Variants in COG3 observed in about 807,000 individuals in gnomAD.
COG3 encodes the protein conserved oligomeric Golgi complex subunit 3.
COG3 carries 32 observed loss-of-function variants against 114.1 expected under a neutral mutation model. The observed-to-expected ratio is 0.28, with a 90% CI of 0.21 to 0.38. The LOEUF is 0.38. COG3 is among the 10% of genes least tolerant of loss of function. The pLI, the probability that COG3 is intolerant of heterozygous loss-of-function variation, is 1.00. For synonymous variants in COG3, 352 were observed against 365.7 expected, an observed-to-expected ratio of 0.96 and a Z score of 0.43; for missense variants, 813 against 973.2, an observed-to-expected ratio of 0.84 and a Z score of 2.19.
At chr13:45,532,262 A>G (rs1346827928) in intron 22 of COG3, among the ~76,000 whole-genome samples, 2 of 152,212 alleles carry the variant, frequency 1.3e-5, no homozygotes, top group African/African-American at 4.8e-5. Context: ...GTATCATTCT[A>G]GGATATTTGT....
intron 20 of COG3, among the ~76,000 whole-genome samples, chr13:45,525,553 G>T (rs564654993): frequency 7.1e-6 from 1 of 140,552 alleles, no homozygotes; most frequent in South Asian, 2.3e-4. Flanking sequence ...CAATACTATT[G>T]TCTGATTGGC....
intron 8 of COG3, 128 bp downstream of exon 8, chr13:45,486,703 C>T: frequency 1.4e-6 from 1 of 693,480 alleles, no homozygotes. Context: ...TGACATTGTC[C>T]TTCCACATTA....
rs148438547 is a variant in COG3, at chr13:45,533,088, T to C, written c.2458-1614T>C. 6.8e-3 allele frequency among the ~76,000 whole-genome samples: 1,027 copies of C among 152,054 alleles called. 12 individuals are homozygous for C. Among genetic ancestry groups the C allele is most frequent in the African/African-American group, 0.024 (983 of 41,464 alleles). Reference sequence around the variant, plus strand: ...GGGCTGTGAATGTGGCGGGAGCTCATGGATGTGCTCTTCTGAGTGCTTCAC... The same window carrying C: ...GGGCTGTGAATGTGGCGGGAGCTCACGGATGTGCTCTTCTGAGTGCTTCAC... On this transcript the variant is annotated intron_variant, in intron 22 of 22. Coordinates refer to ENST00000349995, the MANE Select transcript of COG3 (RefSeq NM_031431.4).
rs369956835 is a variant in COG3 at position 45,509,228 on chromosome 13, C to T, written c.1595-464C>T. 9.2e-5 allele frequency among the ~76,000 whole-genome samples: 14 copies of T among 152,222 alleles called. No homozygotes were observed. The East Asian group carries it at 9.7e-4, about 11-fold the overall frequency. ...CTAATTTTTGTATTTTTAGTAGAGA[C>T]GAGGTTTCACCACATTGGTCAGGAT... On this transcript the variant is annotated intron_variant, in intron 14 of 22. Transcript: ENST00000349995.
intron 22 of COG3, chr13:45,530,981 A>C: frequency 6.1e-6 from 6 of 983,448 alleles, no homozygotes; most frequent in Non-Finnish European, 7.2e-6. Flanking sequence ...AGTTAATCTC[A>C]GGATTAAAAT....
chr13:45,486,643 G>A (rs1461367110), intron 8 of COG3, 68 bp downstream of exon 8: 7 of 905,748 alleles, frequency 7.7e-6, no homozygotes, highest in Non-Finnish European at 1.3e-5. Flanking sequence ...AAGTACTGTT[G>A]TATGTTAGGC....
Position 45,505,589 on chromosome 13 carries a change from G to GCCACTGCGCCTGAC in COG3, c.1594+2242_1594+2255dup, listed in dbSNP as rs1202863977. ...TAAAGTGCTGGGATTACAGGCGTGA[G>GCCACTGCGCCTGAC]CCACTGCGCCTGACCAATCCTGCTT... On this transcript the variant is annotated intron_variant, in intron 14 of 22. Coordinates refer to ENST00000349995, the MANE Select transcript of COG3 (RefSeq NM_031431.4). Among the ~76,000 whole-genome samples the GCCACTGCGCCTGAC allele has an allele frequency of 4.6e-3, 693 of 151,986 alleles. 6 individuals carry two copies. Among genetic ancestry groups the GCCACTGCGCCTGAC allele is most frequent in the African/African-American group, 0.016 (655 of 41,484 alleles).
At chr13:45,532,501 TTTCCC>T (rs1479362084) in intron 22 of COG3, among the ~76,000 whole-genome samples, 5 of 151,554 alleles carry the variant, frequency 3.3e-5, no homozygotes, top group African/African-American at 4.8e-5. Context: ...CCCTCCAGCC[TTTCCC>T]TTCCCTCCCC....
At chr13:45,498,708 C>G (rs946048365) in intron 13 of COG3, among the ~76,000 whole-genome samples, 7 of 149,156 alleles carry the variant, frequency 4.7e-5, no homozygotes, top group Non-Finnish European at 7.4e-5. Flanking sequence ...TTATCCTGTG[C>G]TAGCACCAGA....
intron 8 of COG3, among the ~76,000 whole-genome samples, chr13:45,490,375 C>T (rs1355586615): frequency 6.6e-6 from 1 of 152,164 alleles, no homozygotes; most frequent in East Asian, 1.9e-4. Flanking sequence ...ACCAGCTTGC[C>T]TGGGCTCAAA....
At chr13:45,482,930 C>T (rs1035873549) in intron 6 of COG3, among the ~76,000 whole-genome samples, 6 of 152,186 alleles carry the variant, frequency 3.9e-5, no homozygotes, top group African/African-American at 1.4e-4. Context: ...TCCCCTAACT[C>T]CTATTCTTTT....
Position 45,494,439 on chromosome 13 carries a change from A to G in COG3, c.1327+953A>G, listed in dbSNP as rs1257988908. On this transcript the variant is annotated intron_variant, in intron 12 of 22. Coordinates refer to ENST00000349995, the MANE Select transcript of COG3 (RefSeq NM_031431.4). ...TTTGTTACTCTTCCAAAGTTACTCA[A>G]TTGCATTTAACTCATTCATTTTCTC... Among the ~76,000 whole-genome samples the G allele has an allele frequency of 2.6e-5, 4 of 152,000 alleles. No individual in the cohort carries two copies. The South Asian group carries it at 8.3e-4, about 32-fold the overall frequency.
rs1454837600 is a variant in COG3, at chr13:45,481,303, C to T, written c.623C>T (p.Thr208Ile). 1 of 1,507,880 alleles carries T rather than the reference C, an allele frequency of 6.6e-7. No homozygotes were observed. Among genetic ancestry groups the T allele is most frequent in the South Asian group, 1.2e-5 (1 of 86,878 alleles). The allele number at this position is 1,507,880 out of a possible 1,614,324, so 93.4% of individuals were successfully genotyped here. Residue 208 changes from threonine (T) to isoleucine (I), a missense_variant and splice_region_variant, in exon 5 of 23, where the codon ACA (threonine) becomes ATA (isoleucine). Around this residue, in one of 2 missense-constraint regions of COG3, gnomAD observed 424 missense variants for 430.6 expected, o/e 0.98. Coordinates refer to ENST00000349995, the MANE Select transcript of COG3 (RefSeq NM_031431.4). The part of the protein sequence containing the change: ...SYFNELETIN[T>I]KLNSPTLSVN... Reference sequence around the variant, plus strand: ...TTTAACGAATTGGAAACTATTAACACAGTAAGCATTGTTCTTTACTTCTTA... The same window carrying T: ...TTTAACGAATTGGAAACTATTAACATAGTAAGCATTGTTCTTTACTTCTTA...
At chr13:45,511,485 C>A (rs1384869914) in intron 15 of COG3, among the ~76,000 whole-genome samples, 1 of 152,194 alleles carries the variant, frequency 6.6e-6, no homozygotes, top group African/African-American at 2.4e-5. Flanking sequence ...AGAACCATGC[C>A]TGCCTATATT....
Position 45,518,998 on chromosome 13 carries a change from A to G in COG3, c.2058A>G (p.Lys686=). ...TAAGAGAACATTATCTTGACTCTAA[A>G]AAAGACGTAGACCGTCATCTGAAAT... is the stretch of plus-strand genomic sequence containing the variant. The part of the protein sequence containing the change: ...PEIREHYLDS[K]KDVDRHLKSA... The change falls in exon 19 of 23, where the codon AAA becomes AAG. Residue 686 remains lysine (K), a synonymous_variant. Coordinates refer to ENST00000349995, the MANE Select transcript of COG3 (RefSeq NM_031431.4). The G allele has an allele frequency of 1.2e-6, 2 of 1,614,196 alleles. No homozygotes were observed. The highest frequency in any genetic ancestry group is 1.7e-6 in the Non-Finnish European group (2 of 1,180,022).
chr13:45,500,051 T>TGAGTGA (rs1363050368), intron 13 of COG3, among the ~76,000 whole-genome samples: 4 of 68,778 alleles, frequency 5.8e-5, no homozygotes, highest in South Asian at 5.7e-4. Flanking sequence ...TGTGTGTGTG[T>TGAGTGA]GTGTGTGTGT....
intron 13 of COG3, among the ~76,000 whole-genome samples, chr13:45,502,052 G>A (rs1860778892): frequency 6.6e-6 from 1 of 152,060 alleles, no homozygotes; most frequent in Admixed American, 6.5e-5. Flanking sequence ...TCTTTTCTGT[G>A]GTCCATAGCT....
chr13:45,486,339 C>CGGGAGACGGAAGACGGAGA (rs1555295083), intron 7 of COG3, among the ~76,000 whole-genome samples, 156 bp from the exon 8 acceptor site: 3 of 55,216 alleles, frequency 5.4e-5, no homozygotes, highest in Non-Finnish European at 9.2e-5. Context: ...AGACGGGAGA[C>CGGGAGACGGAAGACGGAGA]GGGAGAGGGA....
At chr13:45,472,820 T>C (rs538648962) in intron 1 of COG3, among the ~76,000 whole-genome samples, 11 of 152,360 alleles carry the variant, frequency 7.2e-5, no homozygotes, top group Middle Eastern at 3.4e-3. Context: ...TTCTAGTCTC[T>C]TGCTCATCTG....
Sources: gnomAD v4.1 joint callset for allele counts (sites outside exome capture counted in the v4.1 genomes callset) on GRCh38, gnomAD v4.1.1 for gene constraint, gnomAD v4.1.1 regional missense constraint, MANE v1.5 for transcripts, NCBI Gene and HGNC (gene_info 2026-07-23, HGNC 2026-07-21) for gene names.